The following CTTNBP2 variants were observed in gnomAD, a reference collection of about 807,000 sequenced individuals.
The protein encoded by CTTNBP2 is cortactin binding protein 2, also known as cortactin-binding protein 2.
In CTTNBP2, 108 loss-of-function variants were observed where a neutral mutation model predicts 156.9. The ratio of observed to expected loss-of-function variants is 0.69; its 90% CI spans 0.59 to 0.81. CTTNBP2 has a LOEUF of 0.81. Ranked by LOEUF, CTTNBP2 falls within the 30% of genes least tolerant of loss-of-function variation. The probability of loss-of-function intolerance (pLI) is 0.00; values close to 1 mark genes in which losing one functional copy is unlikely to be tolerated. For synonymous variants in CTTNBP2, 767 were observed against 751.8 expected, an observed-to-expected ratio of 1.02 and a Z score of -0.33; for missense variants, 1,924 against 2,035.4, an observed-to-expected ratio of 0.95 and a Z score of 1.05.
At chr7:117,774,514 T>G (rs1314254057) in intron 8 of CTTNBP2, among the ~76,000 whole-genome samples, 2 of 152,126 alleles carry the variant, frequency 1.3e-5, no homozygotes, top group Admixed American at 6.5e-5. Context: ...ATGGTGGCAT[T>G]AGACTCTCAT....
Position 117,735,270 on chromosome 7 carries a change from T to C in CTTNBP2, c.3687A>G (p.Lys1229=), listed in dbSNP as rs754749998. 1 of 1,612,456 alleles carries C rather than the reference T, an allele frequency of 6.2e-7. No individual in the cohort carries two copies. The highest frequency in any genetic ancestry group is 8.5e-7 in the Non-Finnish European group (1 of 1,179,696). ...GCATGGTCCCTTTATTAGCGTTACC[T>C]TTTTGGAAAGTGCAGGGGCTTTCAG... ...RSTESPCTFQ[K]GNGLSECYYF... The change falls in exon 15 of 23, where the codon AAA becomes AAG. Residue 1229 remains lysine, a splice_region_variant and synonymous_variant. Transcript: ENST00000160373.
intron 12 of CTTNBP2, among the ~76,000 whole-genome samples, chr7:117,750,686 A>T (rs2116590398): frequency 6.6e-6 from 1 of 152,330 alleles, no homozygotes; most frequent in African/African-American, 2.4e-5. Flanking sequence ...AACCGGGTCG[A>T]ACATGCAAAG....
chr7:117,715,503 A>G (rs1045267785), intron 22 of CTTNBP2, among the ~76,000 whole-genome samples: 3 of 149,852 alleles, frequency 2.0e-5, no homozygotes, highest in Non-Finnish European at 4.4e-5. Context: ...AGAAGCCTCA[A>G]GTGGATTTCA....
chr7:117,803,639 T>C (rs1036515221), intron 3 of CTTNBP2, among the ~76,000 whole-genome samples: 1 of 152,068 alleles, frequency 6.6e-6, no homozygotes, highest in African/African-American at 2.4e-5. Flanking sequence ...TTGTGACTCA[T>C]CCAAAAAGGT....
intron 14 of CTTNBP2, among the ~76,000 whole-genome samples, chr7:117,741,841 A>T (rs568847402): frequency 1.3e-5 from 2 of 152,228 alleles, no homozygotes; most frequent in Non-Finnish European, 2.9e-5. Flanking sequence ...TGCCACCTGA[A>T]TTAAACTAAT....
chr7:117,770,970 ACCTTTTAAAGAAGTAGTTTAGG>A (rs1161402832), intron 8 of CTTNBP2, among the ~76,000 whole-genome samples: 1 of 152,212 alleles, frequency 6.6e-6, no homozygotes, highest in Non-Finnish European at 1.5e-5. Context: ...TATAACAGAG[ACCTTTTAAAGAAGTAGTTTAGG>A]CCTCAGCTTT....
chr7:117,817,971 A>G (rs1178587875), intron 2 of CTTNBP2, among the ~76,000 whole-genome samples: 1 of 152,232 alleles, frequency 6.6e-6, no homozygotes, highest in East Asian at 1.9e-4. Flanking sequence ...AAGCATGGAA[A>G]GATAATTATG....
rs761075994 is a variant in CTTNBP2 at position 117,780,529 on chromosome 7, G to A, written c.2435C>T (p.Thr812Ile). 7 of 1,594,656 alleles carry A rather than the reference G, an allele frequency of 4.4e-6. No homozygotes were observed. The highest frequency in any genetic ancestry group is 6.0e-6 in the Non-Finnish European group (7 of 1,167,884). The change falls in exon 7 of 23, where the codon ACA becomes ATA. Residue 812 changes from threonine (T) to isoleucine (I), a missense_variant. Physicochemically the swap from Thr to Ile is moderately conservative, Grantham distance 89. Coordinates refer to ENST00000160373, the MANE Select transcript of CTTNBP2 (RefSeq NM_033427.3). Reference protein sequence around the residue: ...NINHAADGGQTPLYLACKNGN... With the variant: ...NINHAADGGQIPLYLACKNGN... ...ATTTTTACAGGCCAGGTATAGAGGTGTCTGTCCTCCATCAGCAGCATGATT... is the reference window on the plus strand; with the variant it reads ...ATTTTTACAGGCCAGGTATAGAGGTATCTGTCCTCCATCAGCAGCATGATT...
At chr7:117,849,152 T>C (rs1044277977) in intron 2 of CTTNBP2, among the ~76,000 whole-genome samples, 2 of 152,336 alleles carry the variant, frequency 1.3e-5, no homozygotes, top group East Asian at 3.9e-4. Context: ...GCCGTCTTGC[T>C]TACTGAGCAG....
chr7:117,794,877 CTTTTTTTTTTT>C (rs755340586), intron 3 of CTTNBP2, among the ~76,000 whole-genome samples: 4 of 88,322 alleles, frequency 4.5e-5, no homozygotes, highest in Non-Finnish European at 6.4e-5. Context: ...ATATGTATAT[CTTTTTTTTTTT>C]TTTTTTTTTT....
rs145722031 is a variant in CTTNBP2 at position 117,779,729 on chromosome 7, C to CAT, written c.2523+710_2523+711dup. On this transcript the variant is annotated intron_variant, in intron 7 of 22. Coordinates refer to ENST00000160373, the MANE Select transcript of CTTNBP2 (RefSeq NM_033427.3). ...TTATATCTAGCTTATTACATCTCTGCATATATATATATATATAAAATACAT... is the reference window on the plus strand; with the variant it reads ...TTATATCTAGCTTATTACATCTCTGCATATATATATATATATATAAAATACAT... Among the ~76,000 whole-genome samples, 1,226 of 147,496 alleles carry CAT rather than the reference C, an allele frequency of 8.3e-3. 5 individuals are homozygous for CAT. The highest frequency in any genetic ancestry group is 0.018 in the African/African-American group (712 of 40,372).
intron 10 of CTTNBP2, among the ~76,000 whole-genome samples, chr7:117,758,907 G>T (rs560137600): frequency 2.6e-5 from 4 of 152,284 alleles, no homozygotes; most frequent in Middle Eastern, 3.4e-3. Context: ...TGTTGGCAGT[G>T]AATATCCATC....
At chr7:117,750,419 T>A (rs1796558470) in intron 12 of CTTNBP2, among the ~76,000 whole-genome samples, 1 of 152,198 alleles carries the variant, frequency 6.6e-6, no homozygotes, top group South Asian at 2.1e-4. Flanking sequence ...ATGTCCCTCA[T>A]GGGATAAAGC....
chr7:117,779,744 A>G (rs1798303022), intron 7 of CTTNBP2, among the ~76,000 whole-genome samples: 1 of 151,024 alleles, frequency 6.6e-6, no homozygotes, highest in Non-Finnish European at 1.5e-5. Context: ...ATATATATAT[A>G]TAAAATACAT....
intron 8 of CTTNBP2, among the ~76,000 whole-genome samples, chr7:117,768,640 T>C (rs1797643670): frequency 6.6e-6 from 1 of 151,176 alleles, no homozygotes; most frequent in African/African-American, 2.4e-5. Context: ...ACTTGAAGCA[T>C]TATCACAAAG....
intron 17 of CTTNBP2, among the ~76,000 whole-genome samples, chr7:117,726,597 A>G (rs955730766): frequency 6.6e-6 from 1 of 152,246 alleles, no homozygotes; most frequent in African/African-American, 2.4e-5. Flanking sequence ...GTCTTGGAAG[A>G]CAGAGATAAA....
At chr7:117,832,788 C>T (rs1219182109) in intron 2 of CTTNBP2, among the ~76,000 whole-genome samples, 1 of 144,816 alleles carries the variant, frequency 6.9e-6, no homozygotes, top group Non-Finnish European at 1.5e-5. Flanking sequence ...ACTGTGTCGC[C>T]AGGGCTGGAG....
chr7:117,829,002 T>A (rs1801453571), intron 2 of CTTNBP2, among the ~76,000 whole-genome samples: 1 of 152,240 alleles, frequency 6.6e-6, no homozygotes, highest in Non-Finnish European at 1.5e-5. Context: ...CTGGCTGTGG[T>A]CAATTTCTGA....
intron 5 of CTTNBP2, 45 bp downstream of exon 5, chr7:117,784,206 T>A (rs777818290): frequency 1.4e-6 from 2 of 1,435,040 alleles, no homozygotes; most frequent in South Asian, 2.8e-5. Context: ...CTTTTGACTT[T>A]CCATCCTTTT....
Sources: allele counts gnomAD v4.1 joint callset (sites outside exome capture counted in the v4.1 genomes callset), GRCh38; gene constraint gnomAD v4.1.1; transcripts MANE v1.5; gene names NCBI Gene and HGNC (gene_info 2026-07-23, HGNC 2026-07-21).